RASGRF2: variants seen among roughly 807,000 people sequenced by gnomAD.
The protein encoded by RASGRF2 is ras-specific guanine nucleotide-releasing factor 2.
Under a neutral mutation model 151.0 loss-of-function variants are expected in RASGRF2, and 76 were observed. The observed-to-expected ratio is 0.50, with a 90% CI of 0.42 to 0.61. The LOEUF (loss-of-function observed/expected upper bound fraction) is 0.61, where lower values mean the gene tolerates loss of function less well. Ranked by LOEUF, RASGRF2 falls within the 20% of genes least tolerant of loss-of-function variation. The probability of loss-of-function intolerance (pLI) is 0.00; values close to 1 mark genes in which losing one functional copy is unlikely to be tolerated. For missense variants in RASGRF2, 1,148 were observed against 1,564.6 expected (o/e 0.73, Z 4.49); for synonymous variants, 504 against 566.5 (o/e 0.89, Z 1.57).
intron 1 of RASGRF2, among the ~76,000 whole-genome samples, chr5:81,006,889 C>T (rs1203214679): frequency 6.6e-6 from 1 of 152,158 alleles, no homozygotes; most frequent in Non-Finnish European, 1.5e-5. Context: ...AGACTTGTCA[C>T]AAACCATTGT....
At chr5:81,087,162 G>T (rs780363422) in intron 9 of RASGRF2, 1 of 702,808 alleles carries the variant, frequency 1.4e-6, no homozygotes, top group Admixed American at 2.0e-5. Flanking sequence ...TCATAGTAAA[G>T]CACGAGTGGG....
intron 17 of RASGRF2, among the ~76,000 whole-genome samples, chr5:81,139,527 A>G (rs1753834591): frequency 6.6e-6 from 1 of 150,796 alleles, no homozygotes; most frequent in South Asian, 2.1e-4. Context: ...CACACACTAA[A>G]ATAACTTTTC....
intron 5 of RASGRF2, among the ~76,000 whole-genome samples, chr5:81,076,961 T>A (rs1751957388): frequency 6.6e-6 from 1 of 152,142 alleles, no homozygotes; most frequent in Admixed American, 6.5e-5. Context: ...TTGGGATTAA[T>A]TAGGATTGGT....
intron 2 of RASGRF2, among the ~76,000 whole-genome samples, chr5:81,053,893 T>C (rs1751106772): frequency 6.6e-6 from 1 of 152,270 alleles, no homozygotes; most frequent in Non-Finnish European, 1.5e-5. Context: ...TGAGCATTTT[T>C]TCATGTGTCT....
chr5:81,110,448 TC>T (rs1338460337), intron 13 of RASGRF2, among the ~76,000 whole-genome samples: 5 of 152,222 alleles, frequency 3.3e-5, no homozygotes, highest in Non-Finnish European at 1.5e-5. Flanking sequence ...GAAAATGTAA[TC>T]ACGATTTTGA....
intron 25 of RASGRF2, 75 bp downstream of exon 25, chr5:81,217,548 C>G: frequency 2.1e-6 from 1 of 473,286 alleles, no homozygotes; most frequent in Non-Finnish European, 3.3e-6. Context: ...TAATAAAAGT[C>G]AATGTCTGCT....
chr5:80,980,877 G>C (rs1288507809), intron 1 of RASGRF2, among the ~76,000 whole-genome samples: 1 of 152,098 alleles, frequency 6.6e-6, no homozygotes, highest in South Asian at 2.1e-4. Flanking sequence ...TTTTTACCTG[G>C]TAGCCTTGTT....
intron 15 of RASGRF2, among the ~76,000 whole-genome samples, chr5:81,114,470 A>G (rs573974906): frequency 2.0e-5 from 3 of 152,236 alleles, no homozygotes; most frequent in African/African-American, 2.4e-5. Context: ...AATTGGAGAC[A>G]GTGTTAATTG....
At chr5:81,108,944 G>C (rs1752921819) in intron 12 of RASGRF2, 52 bp from the exon 13 acceptor site, 1 of 1,519,648 alleles carries the variant, frequency 6.6e-7, no homozygotes, top group African/African-American at 1.4e-5. Context: ...GGGAATATAT[G>C]ATCTGCCTAG....
chr5:81,101,623 T>C (rs1372114942), intron 12 of RASGRF2, among the ~76,000 whole-genome samples: 2 of 152,158 alleles, frequency 1.3e-5, no homozygotes, highest in African/African-American at 2.4e-5. Flanking sequence ...TCTGTCTCTC[T>C]TTCTTTCTCT....
intron 17 of RASGRF2, among the ~76,000 whole-genome samples, chr5:81,178,957 C>A (rs1754849430): frequency 6.6e-6 from 1 of 152,160 alleles, no homozygotes; most frequent in Non-Finnish European, 1.5e-5. Context: ...CCGGGATGGT[C>A]TGGATCTCCT....
At chr5:81,140,295 G>A (rs1343610031) in intron 17 of RASGRF2, among the ~76,000 whole-genome samples, 1 of 151,758 alleles carries the variant, frequency 6.6e-6, no homozygotes, top group Non-Finnish European at 1.5e-5. Flanking sequence ...CCTACTGGAG[G>A]GTATCCTAGT....
chr5:81,162,118 C>A (rs1405581766), intron 17 of RASGRF2, among the ~76,000 whole-genome samples: 1 of 149,952 alleles, frequency 6.7e-6, no homozygotes, highest in African/African-American at 2.5e-5. Context: ...GAGGAAGGTA[C>A]TCAGAGTTGA....
At chr5:81,065,971 G>C (rs1174276045) in intron 2 of RASGRF2, among the ~76,000 whole-genome samples, 1 of 152,068 alleles carries the variant, frequency 6.6e-6, no homozygotes, top group African/African-American at 2.4e-5. Flanking sequence ...TGTGAAGTCA[G>C]CCTTGCATTC....
intron 1 of RASGRF2, among the ~76,000 whole-genome samples, chr5:81,018,269 G>A (rs1230522504): frequency 6.6e-6 from 1 of 151,988 alleles, no homozygotes; most frequent in African/African-American, 2.4e-5. Flanking sequence ...AGGAGTAGAA[G>A]TGTGAGGAGA....
chr5:81,085,921 G>T lies in RASGRF2; in HGVS notation c.1271+10G>T, dbSNP rs546691474. On this transcript the variant is annotated intron_variant, in intron 8 of 26. Coordinates refer to ENST00000265080, the MANE Select transcript of RASGRF2 (RefSeq NM_006909.3). ...TAGAGGAACTATCCAGGTATGCCAA[G>T]AACTTATAACAAAGGCTTGGGAGAG... 6.2e-7 allele frequency: 1 copy of T among 1,613,992 alleles called. No homozygotes were observed. Among genetic ancestry groups the T allele is most frequent in the Non-Finnish European group, 8.5e-7 (1 of 1,179,934 alleles).
intron 23 of RASGRF2, among the ~76,000 whole-genome samples, chr5:81,215,267 CTTTTTTTTTT>C (rs772223510): frequency 2.5e-5 from 3 of 119,790 alleles, no homozygotes; most frequent in African/African-American, 9.3e-5. Context: ...AATATAGAAT[CTTTTTTTTTT>C]TTTTTTTTTT....
chr5:81,164,643 T>G (rs1754464945), intron 17 of RASGRF2, among the ~76,000 whole-genome samples: 1 of 152,200 alleles, frequency 6.6e-6, no homozygotes, highest in South Asian at 2.1e-4. Context: ...TCAGAATTTG[T>G]GGTTTTCAAA....
At chr5:81,177,538 T>A (rs1302479708) in intron 17 of RASGRF2, among the ~76,000 whole-genome samples, 1 of 151,702 alleles carries the variant, frequency 6.6e-6, no homozygotes, top group Non-Finnish European at 1.5e-5. Flanking sequence ...AGGCTTTCAT[T>A]TTTCTGCAAA....
Sources: gnomAD v4.1 joint callset for allele counts (sites outside exome capture counted in the v4.1 genomes callset) on GRCh38, gnomAD v4.1.1 for gene constraint, MANE v1.5 for transcripts, NCBI Gene and HGNC (gene_info 2026-07-23, HGNC 2026-07-21) for gene names.